ATRN: variants seen among roughly 807,000 people sequenced by gnomAD.
ATRN encodes the protein attractin-2.
Under a neutral mutation model 178.7 loss-of-function variants are expected in ATRN, and 54 were observed. That is an observed-to-expected ratio of 0.30 (90% CI 0.24 to 0.38). The LOEUF is 0.38. Ranked by LOEUF, ATRN falls within the 10% of genes least tolerant of loss-of-function variation. The probability of loss-of-function intolerance (pLI) is 1.00; values close to 1 mark genes in which losing one functional copy is unlikely to be tolerated. For synonymous variants in ATRN, 636 were observed against 663.0 expected (o/e 0.96, Z 0.63); for missense variants, 1,443 against 1,815.1 (o/e 0.79, Z 3.73).
At chr20:3,576,420 C>T (rs561991386) in intron 13 of ATRN, among the ~76,000 whole-genome samples, 1 of 152,170 alleles carries the variant, frequency 6.6e-6, no homozygotes, top group East Asian at 1.9e-4. Flanking sequence ...TAAGATGACC[C>T]AGGCTTTTAT....
At chr20:3,636,808 A>G (rs1423046160) in intron 26 of ATRN, among the ~76,000 whole-genome samples, 2 of 152,214 alleles carry the variant, frequency 1.3e-5, no homozygotes, top group African/African-American at 4.8e-5. Context: ...CAAGTTCGTT[A>G]TCTTCGTGTA....
chr20:3,604,022 C>G, intron 23 of ATRN, 83 bp from the exon 24 acceptor site: 2 of 1,186,836 alleles, frequency 1.7e-6, no homozygotes. Flanking sequence ...TGCTATTGTC[C>G]TTATTATTAA....
intron 6 of ATRN, among the ~76,000 whole-genome samples, chr20:3,552,119 T>C (rs1049352667): frequency 5.9e-5 from 9 of 152,234 alleles, no homozygotes; most frequent in African/African-American, 2.2e-4. Flanking sequence ...TGATATTTTT[T>C]TTAATTCCAT....
Position 3,650,534 on chromosome 20 carries a change from G to A in ATRN, c.*3687G>A, listed in dbSNP as rs2087138841. Reference sequence around the variant, plus strand: ...GCATGCCCTGCCTACCTTCTGAAATGTTTACCCCATTGACCAAACTTGGCT... The same window carrying A: ...GCATGCCCTGCCTACCTTCTGAAATATTTACCCCATTGACCAAACTTGGCT... On this transcript the variant is annotated 3_prime_UTR_variant, in exon 29 of 29. Transcript: ENST00000262919. The A allele has an allele frequency of 6.6e-6, 1 of 152,276 alleles. No homozygotes were observed. The highest frequency in any genetic ancestry group is 2.4e-5 in the African/African-American group (1 of 41,460). 9.4% of individuals were successfully genotyped at this position (152,276 alleles called of 1,614,324 possible).
rs113516221 is a variant in ATRN at position 3,574,250 on chromosome 20, G to A, written c.2092+1299G>A. 3.3e-3 allele frequency among the ~76,000 whole-genome samples: 508 copies of A among 152,300 alleles called. 2 individuals are homozygous for A. The highest frequency in any genetic ancestry group is 0.011 in the African/African-American group (478 of 41,566). ...CCCAGGGCCAGCCACAGGGGCTCATGCCGGTAATCCCAGCACTTTGGGAGG... is the reference window on the plus strand; with the variant it reads ...CCCAGGGCCAGCCACAGGGGCTCATACCGGTAATCCCAGCACTTTGGGAGG... On this transcript the variant is annotated intron_variant, in intron 12 of 28. Coordinates refer to ENST00000262919, the MANE Select transcript of ATRN (RefSeq NM_139321.3).
rs141358846 is a variant in ATRN, at chr20:3,521,364, G to A, written c.411-13889G>A. Among the ~76,000 whole-genome samples, 399 of 151,386 alleles carry A rather than the reference G, an allele frequency of 2.6e-3. 1 individual carries two copies. The highest frequency in any genetic ancestry group is 7.9e-3 in the African/African-American group (328 of 41,338). ...GAGAAAAAAAAAACCCAAAAACAAAGTAGATTTCACACAAACAAGGAATAT... is the reference window on the plus strand; with the variant it reads ...GAGAAAAAAAAAACCCAAAAACAAAATAGATTTCACACAAACAAGGAATAT... On this transcript the variant is annotated intron_variant, in intron 1 of 28. Coordinates refer to ENST00000262919, the MANE Select transcript of ATRN (RefSeq NM_139321.3).
intron 25 of ATRN, among the ~76,000 whole-genome samples, chr20:3,626,281 C>A (rs916322541): frequency 1.3e-5 from 2 of 149,814 alleles, no homozygotes; most frequent in African/African-American, 4.9e-5. Flanking sequence ...GGTTCAAAAT[C>A]ATTTTCCATT....
intron 6 of ATRN, among the ~76,000 whole-genome samples, chr20:3,554,367 G>A (rs902587093): frequency 6.2e-5 from 9 of 145,000 alleles, no homozygotes; most frequent in Non-Finnish European, 9.1e-5. Context: ...ATGGAGTCTC[G>A]CTCTGTCGCC....
intron 3 of ATRN, among the ~76,000 whole-genome samples, chr20:3,541,076 A>ATTTTTATTTT (rs2085612245): frequency 8.4e-6 from 1 of 119,046 alleles, no homozygotes; most frequent in Non-Finnish European, 1.8e-5. Context: ...ATGATAGAGG[A>ATTTTTATTTT]TTTTTTTTTT....
intron 24 of ATRN, among the ~76,000 whole-genome samples, chr20:3,620,923 C>T (rs1009189714): frequency 6.6e-6 from 1 of 152,128 alleles, no homozygotes; most frequent in Non-Finnish European, 1.5e-5. Flanking sequence ...CAGCCCAGGA[C>T]GGCTTTGAAT....
chr20:3,586,187 C>T (rs2086354812), intron 18 of ATRN, among the ~76,000 whole-genome samples: 1 of 152,170 alleles, frequency 6.6e-6, no homozygotes, highest in Non-Finnish European at 1.5e-5. Context: ...AAGCCAAATA[C>T]CTGTTAGCTG....
At chr20:3,609,714 A>ATGTGTGTGTGTGTGTGTGTATGTG (rs2086734707) in intron 24 of ATRN, among the ~76,000 whole-genome samples, 1 of 146,114 alleles carries the variant, frequency 6.8e-6, no homozygotes, top group East Asian at 2.0e-4. Context: ...GTATGTATGT[A>ATGTGTGTGTGTGTGTGTGTATGTG]TGTGTGTGTG....
At chr20:3,480,644 T>C (rs944046711) in intron 1 of ATRN, among the ~76,000 whole-genome samples, 1 of 152,102 alleles carries the variant, frequency 6.6e-6, no homozygotes, top group African/African-American at 2.4e-5. Context: ...GGTTAGTCAG[T>C]TAGGGCTTCT....
chr20:3,630,964 T>TGG (rs1568774700), intron 25 of ATRN, among the ~76,000 whole-genome samples: 2 of 73,430 alleles, frequency 2.7e-5, no homozygotes, highest in African/African-American at 6.2e-5. Flanking sequence ...TTTTTTTTTT[T>TGG]GGGATAGGGT....
chr20:3,560,633 T>TA, intron 7 of ATRN, 29 bp from the exon 8 acceptor site: 1 of 1,538,246 alleles, frequency 6.5e-7, no homozygotes, highest in Non-Finnish European at 8.9e-7. Context: ...TCAATGTTTT[T>TA]AAAAATTTTG....
chr20:3,487,081 A>G (rs999237508), intron 1 of ATRN, among the ~76,000 whole-genome samples: 9 of 152,142 alleles, frequency 5.9e-5, no homozygotes, highest in Non-Finnish European at 1.2e-4. Context: ...CTTTAACTGT[A>G]TCTAATTTGT....
intron 1 of ATRN, among the ~76,000 whole-genome samples, chr20:3,504,379 A>G (rs1021726564): frequency 6.6e-6 from 1 of 151,990 alleles, no homozygotes; most frequent in East Asian, 1.9e-4. Flanking sequence ...GGTACATAAA[A>G]TAATAGACTG....
intron 1 of ATRN, among the ~76,000 whole-genome samples, chr20:3,502,567 A>G (rs886193892): frequency 9.2e-5 from 14 of 152,162 alleles, no homozygotes; most frequent in Non-Finnish European, 1.8e-4. Flanking sequence ...AACATCTGCC[A>G]AGGCCGACAG....
At chr20:3,506,450 C>T (rs1358133422) in intron 1 of ATRN, among the ~76,000 whole-genome samples, 1 of 151,910 alleles carries the variant, frequency 6.6e-6, no homozygotes, top group Admixed American at 6.6e-5. Context: ...ATGGTGAAAC[C>T]CTGTCTCTAC....
Sources: gnomAD v4.1 joint callset for allele counts (sites outside exome capture counted in the v4.1 genomes callset) on GRCh38, gnomAD v4.1.1 for gene constraint, MANE v1.5 for transcripts, NCBI Gene and HGNC (gene_info 2026-07-23, HGNC 2026-07-21) for gene names.